The following MED30 variants were observed in gnomAD, a reference collection of about 807,000 sequenced individuals.
MED30 encodes the protein mediator of RNA polymerase II transcription subunit 30.
In MED30, 8 loss-of-function variants were observed where a neutral mutation model predicts 21.7. That is an observed-to-expected ratio of 0.37 (90% CI 0.22 to 0.67). The LOEUF (loss-of-function observed/expected upper bound fraction) is 0.67, where lower values mean the gene tolerates loss of function less well. Among genes scored for constraint, MED30 ranks in the 30% least tolerant of loss-of-function variants. The pLI, the probability that MED30 is intolerant of heterozygous loss-of-function variation, is 0.58. For missense variants in MED30, 203 were observed against 228.2 expected (o/e 0.89, Z 0.71); for synonymous variants, 79 against 86.7 (o/e 0.91, Z 0.49).
intron 3 of MED30, among the ~76,000 whole-genome samples, chr8:117,539,673 A>G (rs1368334691): frequency 1.3e-5 from 2 of 152,240 alleles, no homozygotes; most frequent in African/African-American, 4.8e-5. Context: ...GGCTGGGGCC[A>G]TAGACCTCTG....
chr8:117,521,883 G>A (rs1412737654), intron 1 of MED30, among the ~76,000 whole-genome samples: 5 of 152,172 alleles, frequency 3.3e-5, no homozygotes, highest in Non-Finnish European at 7.3e-5. Flanking sequence ...AACTTTTGCT[G>A]ACAAATTTTT....
At chr8:117,534,884 T>G (rs1312613781) in intron 3 of MED30, among the ~76,000 whole-genome samples, 2 of 136,040 alleles carry the variant, frequency 1.5e-5, no homozygotes, top group Non-Finnish European at 3.2e-5. Flanking sequence ...AAGGGCTTTT[T>G]AATTCATTCC....
At position 117,533,355 on chromosome 8, in the gene MED30, A is replaced by G. The variant is rs192979059; in HGVS notation, c.441+2528A>G. Among the ~76,000 whole-genome samples, 427 of 152,228 alleles carry G rather than the reference A, an allele frequency of 2.8e-3. 1 individual carries two copies. The highest frequency in any genetic ancestry group is 5.2e-3 in the Non-Finnish European group (354 of 67,986). ...GTTTTGTGGATTTTAAGTAAAGGAT[A>G]TAATTGAAACAAGGATATGATGTAT... On this transcript the variant is annotated intron_variant, in intron 3 of 3. Coordinates refer to ENST00000297347, the MANE Select transcript of MED30 (RefSeq NM_080651.4).
chr8:117,525,849 C>CT (rs1274196277), intron 1 of MED30, among the ~76,000 whole-genome samples: 2 of 151,990 alleles, frequency 1.3e-5, no homozygotes, highest in African/African-American at 2.4e-5. Context: ...ATGTGTTACA[C>CT]TTATTTTTCA....
intron 2 of MED30, among the ~76,000 whole-genome samples, chr8:117,529,588 G>C (rs990581185): frequency 7.9e-5 from 12 of 151,856 alleles, no homozygotes; most frequent in African/African-American, 2.7e-4. Flanking sequence ...GATCCTAGTC[G>C]GGTGAAGATT....
intron 1 of MED30, among the ~76,000 whole-genome samples, chr8:117,525,073 G>A (rs948532475): frequency 2.6e-5 from 4 of 152,070 alleles, no homozygotes; most frequent in Admixed American, 1.3e-4. Context: ...TATACCTGTC[G>A]GATACGTTTT....
chr8:117,539,100 C>T (rs1199509325), intron 3 of MED30, among the ~76,000 whole-genome samples: 2 of 152,210 alleles, frequency 1.3e-5, no homozygotes. Flanking sequence ...ATCTTCATAA[C>T]AGCTCTTATG....
At chr8:117,526,222 G>A (rs1052918969) in intron 1 of MED30, among the ~76,000 whole-genome samples, 2 of 151,752 alleles carry the variant, frequency 1.3e-5, no homozygotes, top group African/African-American at 2.4e-5. Context: ...ATTTTTAGTA[G>A]CACTTTATCA....
rs563128920 is a variant in MED30, at chr8:117,523,478, G to A, written c.177+2425G>A. ...CTGCCAGTCTCTGGACGGCTGCGGC[G>A]TAGGGTGGCAGGAACAATCTCCGGG... On this transcript the variant is annotated intron_variant, in intron 1 of 3. Transcript: ENST00000297347. 39 of 1,586,410 alleles carry A rather than the reference G, an allele frequency of 2.5e-5. No individual in the cohort carries two copies. In the East Asian group the frequency reaches 5.8e-4, roughly 24 times the overall value.
At chr8:117,538,600 C>G (rs1214456308) in intron 3 of MED30, among the ~76,000 whole-genome samples, 2 of 151,956 alleles carry the variant, frequency 1.3e-5, no homozygotes, top group Non-Finnish European at 2.9e-5. Flanking sequence ...AGTATATTAT[C>G]TCCAAATGTA....
At chr8:117,526,416 A>G (rs376819394) in intron 1 of MED30, among the ~76,000 whole-genome samples, 6 of 152,160 alleles carry the variant, frequency 3.9e-5, no homozygotes, top group African/African-American at 1.4e-4. Flanking sequence ...CACATTAATC[A>G]TAGTGCTGAC....
intron 1 of MED30, among the ~76,000 whole-genome samples, chr8:117,521,421 A>T (rs1376163635): frequency 1.3e-5 from 2 of 151,684 alleles, no homozygotes; most frequent in Non-Finnish European, 2.9e-5. Flanking sequence ...AAGAATTTAC[A>T]TTTTTTTTAA....
At chr8:117,526,444 T>C (rs7834235) in intron 1 of MED30, among the ~76,000 whole-genome samples, 1,678 of 152,016 alleles carry the variant, frequency 0.011, 21 homozygotes, top group African/African-American at 0.034. Flanking sequence ...CTGAAATAAA[T>C]GTATGTTGTC....
chr8:117,531,479 A>G (rs897318545), intron 3 of MED30, among the ~76,000 whole-genome samples: 1 of 152,008 alleles, frequency 6.6e-6, no homozygotes, highest in African/African-American at 2.4e-5. Flanking sequence ...CTTAATTCTA[A>G]TTAATAGAAC....
intron 3 of MED30, among the ~76,000 whole-genome samples, chr8:117,532,450 T>G (rs1266786360): frequency 6.6e-6 from 1 of 152,008 alleles, no homozygotes; most frequent in Non-Finnish European, 1.5e-5. Context: ...ATAGGCAGAT[T>G]AGTAAAATAA....
chr8:117,527,938 G>A (rs183948575), intron 1 of MED30, among the ~76,000 whole-genome samples: 1 of 151,648 alleles, frequency 6.6e-6, no homozygotes, highest in Admixed American at 6.6e-5. Context: ...ATAAATAGTC[G>A]ATTTTTGTTT....
intron 3 of MED30, among the ~76,000 whole-genome samples, chr8:117,535,069 T>C (rs1332769984): frequency 6.6e-6 from 1 of 152,014 alleles, no homozygotes; most frequent in African/African-American, 2.4e-5. Context: ...TTTAGCTCTC[T>C]ACAGCCTCTC....
intron 3 of MED30, among the ~76,000 whole-genome samples, chr8:117,532,093 T>TGAAA: frequency 6.6e-6 from 1 of 152,174 alleles, no homozygotes; most frequent in East Asian, 1.9e-4. Flanking sequence ...CTTATTAAGA[T>TGAAA]ACATAAAGGA....
At chr8:117,525,672 C>T (rs1818708294) in intron 1 of MED30, among the ~76,000 whole-genome samples, 1 of 152,074 alleles carries the variant, frequency 6.6e-6, no homozygotes, top group Non-Finnish European at 1.5e-5. Flanking sequence ...CTGGGCCTAG[C>T]CTTAACTTTT....
Sources: allele counts gnomAD v4.1 joint callset (sites outside exome capture counted in the v4.1 genomes callset), GRCh38; gene constraint gnomAD v4.1.1; transcripts MANE v1.5; gene names NCBI Gene and HGNC (gene_info 2026-07-23, HGNC 2026-07-21).